Variants in PTGR3 observed in about 807,000 individuals in gnomAD.
PTGR3 encodes the protein zinc binding alcohol dehydrogenase domain containing 2.
the PTGR3 span, chr18:75,197,455 A>G: frequency 2.0e-5 from 3 of 152,220 alleles, no homozygotes. Context: ...CTTTAAAGCG[A>G]CCACACCAAC....
At chr18:75,208,631 G>A in the PTGR3 span, 8 of 594,128 alleles carry the variant, frequency 1.3e-5, no homozygotes, top group East Asian at 8.6e-4. Context: ...GAGGACGTTC[G>A]GTGGCATCGG....
the PTGR3 span, chr18:75,208,783 AGCGGCGCGGC>A: frequency 3.8e-6 from 5 of 1,299,134 alleles, no homozygotes; most frequent in South Asian, 5.9e-5. Flanking sequence ...GGACTGCGGG[AGCGGCGCGGC>A]GCGGCGCGAG....
At chr18:75,208,831 T>TG in the PTGR3 span, 2 of 1,440,440 alleles carry the variant, frequency 1.4e-6, no homozygotes, top group Non-Finnish European at 9.2e-7. Flanking sequence ...GGCGTGGGGT[T>TG]GGGGGGCGCC....
the PTGR3 span, chr18:75,202,244 C>T: frequency 8.1e-6 from 13 of 1,614,020 alleles, no homozygotes; most frequent in Non-Finnish European, 1.1e-5. Flanking sequence ...CCACCACCTC[C>T]CCAATGCCTT....
At chr18:75,208,773 G>A in the PTGR3 span, 2 of 1,278,062 alleles carry the variant, frequency 1.6e-6, no homozygotes, top group East Asian at 6.5e-5. Flanking sequence ...GGCGGGCTGG[G>A]GACTGCGGGA....
the PTGR3 span, chr18:75,208,581 G>T: frequency 1.0e-6 from 1 of 999,654 alleles, no homozygotes; most frequent in Non-Finnish European, 1.3e-6. Flanking sequence ...AGGGCTGGAG[G>T]AGGGGAGGGG....
chr18:75,208,573 G>T, the PTGR3 span: 2 of 1,040,562 alleles, frequency 1.9e-6, no homozygotes, highest in Non-Finnish European at 2.4e-6. Context: ...GAGGAGGGAG[G>T]GCTGGAGGAG....
chr18:75,202,218 G>A, the PTGR3 span: 1 of 1,614,180 alleles, frequency 6.2e-7, no homozygotes. Context: ...TCTGGCACTA[G>A]CAGAGAGGCC....
chr18:75,201,831 C>G, the PTGR3 span: 1 of 1,614,146 alleles, frequency 6.2e-7, no homozygotes, highest in Non-Finnish European at 8.5e-7. Flanking sequence ...CACATCGACA[C>G]CTTCAGGGTA....
At chr18:75,198,145 C>T in the PTGR3 span, 2 of 152,084 alleles carry the variant, frequency 1.3e-5, no homozygotes, top group African/African-American at 2.4e-5. Context: ...TAAACGTTAC[C>T]CAAATAAAAG....
chr18:75,208,496 C>A, the PTGR3 span: 5 of 1,041,388 alleles, frequency 4.8e-6, no homozygotes, highest in Non-Finnish European at 5.8e-6. Flanking sequence ...TGTGGGTGCG[C>A]GCGGGCGGCC....
the PTGR3 span, among the ~76,000 whole-genome samples, chr18:75,204,212 G>A: frequency 6.6e-6 from 1 of 152,238 alleles, no homozygotes; most frequent in Non-Finnish European, 1.5e-5. Context: ...CCCCACCTCG[G>A]GATGGGCGCG....
At chr18:75,208,716 CAA>C in the PTGR3 span, 1 of 971,954 alleles carries the variant, frequency 1.0e-6, no homozygotes, top group African/African-American at 1.7e-5. Context: ...CGGGATCTCG[CAA>C]ACTCAGGCTG....
At chr18:75,208,953 G>A in the PTGR3 span, 1 of 1,594,494 alleles carries the variant, frequency 6.3e-7, no homozygotes, top group Non-Finnish European at 8.5e-7. Flanking sequence ...GTCACCACCA[G>A]CTTCTGCATG....
chr18:75,198,317 A>G, the PTGR3 span: 1 of 152,240 alleles, frequency 6.6e-6, no homozygotes, highest in Non-Finnish European at 1.5e-5. Context: ...CCTCAAGTAC[A>G]TAATGCAGGA....
the PTGR3 span, among the ~76,000 whole-genome samples, chr18:75,207,928 C>G: frequency 6.6e-6 from 1 of 152,214 alleles, no homozygotes; most frequent in Non-Finnish European, 1.5e-5. Context: ...TTCGATGGGA[C>G]TTTGCAGGCC....
chr18:75,199,173 T>G, the PTGR3 span: 5 of 152,672 alleles, frequency 3.3e-5, no homozygotes, highest in African/African-American at 9.6e-5. Context: ...ATTTTATTTT[T>G]ACATAGCTGC....
the PTGR3 span, chr18:75,199,753 A>C: frequency 1.8e-4 from 28 of 152,678 alleles, no homozygotes; most frequent in Non-Finnish European, 3.7e-4. Flanking sequence ...CAAAAGCGTC[A>C]CAGTGGCAAT....
the PTGR3 span, chr18:75,205,188 C>G: frequency 4.1e-6 from 4 of 985,560 alleles, no homozygotes; most frequent in Non-Finnish European, 4.8e-6. Context: ...CGCCTGAGTC[C>G]TTACCTCTGC....
Sources: gnomAD v4.1 joint callset for allele counts (sites outside exome capture counted in the v4.1 genomes callset) on GRCh38, gnomAD v4.1.1 for gene constraint, MANE v1.5 for transcripts, NCBI Gene and HGNC (gene_info 2026-07-23, HGNC 2026-07-21) for gene names.